PNPLA7: variants seen among roughly 807,000 people sequenced by gnomAD.
PNPLA7 encodes patatin like domain 7, lysophospholipase, also known as patatin-like phospholipase domain-containing protein 7.
Under a neutral mutation model 161.7 loss-of-function variants are expected in PNPLA7, and 153 were observed. The observed-to-expected ratio is 0.95, with a 90% CI of 0.83 to 1.08. The LOEUF (loss-of-function observed/expected upper bound fraction) is 1.08. Among genes scored for constraint, PNPLA7 ranks in the 50% least tolerant of loss-of-function variants. PNPLA7 has a pLI of 0.00. For synonymous variants in PNPLA7, 809 were observed against 782.1 expected (o/e 1.03, Z -0.57); for missense variants, 1,739 against 1,856.6 (o/e 0.94, Z 1.16).
chr9:137,497,425 T>C, intron 17 of PNPLA7, 115 bp from the exon 18 acceptor site: 1 of 1,030,058 alleles, frequency 9.7e-7, no homozygotes, highest in East Asian at 3.2e-5. Flanking sequence ...GGCTTCTCAC[T>C]ATCTTATTTT....
intron 12 of PNPLA7, among the ~76,000 whole-genome samples, chr9:137,506,680 G>A (rs1485389891): frequency 6.6e-6 from 1 of 152,172 alleles, no homozygotes; most frequent in Non-Finnish European, 1.5e-5. Context: ...GGGCGGCCTC[G>A]GGCTGAGCGG....
At chr9:137,530,076 G>C (rs1001536628) in intron 8 of PNPLA7, among the ~76,000 whole-genome samples, 1 of 151,714 alleles carries the variant, frequency 6.6e-6, no homozygotes, top group African/African-American at 2.4e-5. Flanking sequence ...GCGATTCTCC[G>C]GCCTCAGCCT....
chr9:137,528,094 C>G (rs183892562), intron 8 of PNPLA7, among the ~76,000 whole-genome samples: 5 of 152,252 alleles, frequency 3.3e-5, no homozygotes, highest in Admixed American at 1.3e-4. Context: ...GACATGTGCA[C>G]TCTTTCATGT....
intron 9 of PNPLA7, among the ~76,000 whole-genome samples, chr9:137,522,302 C>T (rs1295014410): frequency 6.7e-6 from 1 of 150,338 alleles, no homozygotes; most frequent in Non-Finnish European, 1.5e-5. Context: ...TCTCGATCTC[C>T]TGACCTCGTG....
At position 137,550,241 on chromosome 9, in the gene PNPLA7, C is replaced by T; in HGVS notation, c.-44G>A. On this transcript the variant is annotated 5_prime_UTR_variant, in exon 1 of 35. Coordinates refer to ENST00000406427, the MANE Select transcript of PNPLA7 (RefSeq NM_001098537.3). ...CAGTCAGGGGCGAAAAGCAGACAGC[C>T]TGAAGCAAACAAGGGCACACCTCTA... is the stretch of plus-strand genomic sequence containing the variant. 6.2e-7 allele frequency: 1 copy of T among 1,612,032 alleles called. No individual in the cohort carries two copies. Among genetic ancestry groups the T allele is most frequent in the East Asian group, 2.2e-5 (1 of 44,874 alleles).
chr9:137,544,406 C>T (rs1043198941), intron 4 of PNPLA7, among the ~76,000 whole-genome samples: 2 of 152,224 alleles, frequency 1.3e-5, no homozygotes, highest in Non-Finnish European at 2.9e-5. Context: ...CCCAGGCCCT[C>T]AGCTTCCCTG....
chr9:137,501,213 G>A (rs887235341), intron 15 of PNPLA7, among the ~76,000 whole-genome samples: 1 of 152,314 alleles, frequency 6.6e-6, no homozygotes. Context: ...TCCTGTGCAC[G>A]GGGGGTCCCA....
chr9:137,461,661 C>A (rs762517028), intron 32 of PNPLA7, 41 bp from the exon 33 acceptor site: 16 of 1,536,542 alleles, frequency 1.0e-5, no homozygotes, highest in Admixed American at 1.8e-5. Context: ...TGTGGACACC[C>A]GCCTGCCAGT....
At chr9:137,462,656 A>G (rs1831273015) in intron 30 of PNPLA7, 29 bp downstream of exon 30, 1 of 1,610,082 alleles carries the variant, frequency 6.2e-7, no homozygotes, top group Admixed American at 1.7e-5. Context: ...AGCAGCAGGG[A>G]CAGCCCAGCC....
At chr9:137,469,026 A>G (rs1831600038) in intron 25 of PNPLA7, among the ~76,000 whole-genome samples, 1 of 152,208 alleles carries the variant, frequency 6.6e-6, no homozygotes, top group Non-Finnish European at 1.5e-5. Flanking sequence ...CCTGGGCAAC[A>G]AGAGCAAAAC....
At chr9:137,535,677 C>A (rs184568514) in intron 8 of PNPLA7, among the ~76,000 whole-genome samples, 1 of 149,318 alleles carries the variant, frequency 6.7e-6, no homozygotes, top group South Asian at 2.1e-4. Context: ...CGTTTGAACA[C>A]GGGAGGCAGG....
intron 12 of PNPLA7, among the ~76,000 whole-genome samples, chr9:137,508,394 C>G (rs181571115): frequency 1.7e-4 from 25 of 150,930 alleles, no homozygotes; most frequent in African/African-American, 6.1e-4. Flanking sequence ...GGTGAAACCC[C>G]GTCTCTACTA....
intron 12 of PNPLA7, 60 bp downstream of exon 12, chr9:137,515,319 G>C: frequency 1.9e-6 from 3 of 1,564,598 alleles, no homozygotes; most frequent in Non-Finnish European, 2.6e-6. Context: ...GCTCAGCCTG[G>C]GTCTCAGATG....
At chr9:137,517,208 G>C (rs371007805) in intron 11 of PNPLA7, among the ~76,000 whole-genome samples, 7 of 55,024 alleles carry the variant, frequency 1.3e-4, no homozygotes, top group Admixed American at 2.6e-4. Context: ...TCCATCCCCC[G>C]TCACTCACTC....
At chr9:137,491,968 A>C in intron 20 of PNPLA7, 1 of 985,488 alleles carries the variant, frequency 1.0e-6, no homozygotes, top group Non-Finnish European at 1.2e-6. Context: ...GGGAGCAGCC[A>C]GGCTCTTCTG....
intron 25 of PNPLA7, among the ~76,000 whole-genome samples, chr9:137,472,949 C>T (rs559283331): frequency 3.3e-5 from 5 of 150,326 alleles, no homozygotes; most frequent in South Asian, 2.1e-4. Context: ...AGCAAGACTC[C>T]GTCTCAAAAA....
At chr9:137,525,301 C>G (rs930220331) in intron 8 of PNPLA7, among the ~76,000 whole-genome samples, 2 of 152,108 alleles carry the variant, frequency 1.3e-5, no homozygotes, top group Non-Finnish European at 2.9e-5. Context: ...GATGAGAGAT[C>G]GTAGAAATAA....
At chr9:137,491,745 G>C in intron 20 of PNPLA7, 1 of 985,442 alleles carries the variant, frequency 1.0e-6, no homozygotes, top group African/African-American at 1.7e-5. Context: ...TTGGACAGAC[G>C]TTCAATGCTG....
chr9:137,492,405 T>C (rs1379146944), intron 20 of PNPLA7: 2 of 891,674 alleles, frequency 2.2e-6, no homozygotes, highest in Non-Finnish European at 2.7e-6. Context: ...GCTGCCCACA[T>C]TGAGATACAG....
Sources: allele counts gnomAD v4.1 joint callset (sites outside exome capture counted in the v4.1 genomes callset), GRCh38; gene constraint gnomAD v4.1.1; transcripts MANE v1.5; gene names NCBI Gene and HGNC (gene_info 2026-07-23, HGNC 2026-07-21).